TRAM2: variants seen among roughly 807,000 people sequenced by gnomAD.
TRAM2 encodes the protein translocating chain-associated membrane protein 2.
TRAM2 carries 12 observed loss-of-function variants against 51.0 expected under a neutral mutation model. The ratio of observed to expected loss-of-function variants is 0.24; its 90% CI spans 0.15 to 0.38. TRAM2 has a LOEUF of 0.38. Among genes scored for constraint, TRAM2 ranks in the 10% least tolerant of loss-of-function variants. TRAM2 has a pLI of 1.00. For synonymous variants in TRAM2, 175 were observed against 179.4 expected, an observed-to-expected ratio of 0.98 and a Z score of 0.20; for missense variants, 361 against 462.0, an observed-to-expected ratio of 0.78 and a Z score of 2.00.
chr6:52,568,080 C>T (rs1767618271), intron 1 of TRAM2, among the ~76,000 whole-genome samples: 1 of 152,146 alleles, frequency 6.6e-6, no homozygotes, highest in Admixed American at 6.5e-5. Context: ...GCAGGTGAGC[C>T]CCAGAGAGGT....
intron 1 of TRAM2, among the ~76,000 whole-genome samples, chr6:52,574,781 T>C (rs1200082545): frequency 6.6e-6 from 1 of 152,192 alleles, no homozygotes; most frequent in Non-Finnish European, 1.5e-5. Context: ...GCACAGGACT[T>C]TCCATAAGAC....
intron 2 of TRAM2, chr6:52,529,769 C>T (rs1766853023): frequency 6.6e-6 from 1 of 152,172 alleles, no homozygotes; most frequent in Non-Finnish European, 1.5e-5. Context: ...GTAGCACAAC[C>T]CAAGACAACC....
At chr6:52,511,640 G>C (rs1766453684) in intron 4 of TRAM2, among the ~76,000 whole-genome samples, 1 of 152,182 alleles carries the variant, frequency 6.6e-6, no homozygotes, top group Non-Finnish European at 1.5e-5. Context: ...ATCTTTAGTT[G>C]TATTTCCAAG....
At chr6:52,567,961 C>A (rs1247333515) in intron 1 of TRAM2, among the ~76,000 whole-genome samples, 1 of 152,190 alleles carries the variant, frequency 6.6e-6, no homozygotes, top group Non-Finnish European at 1.5e-5. Context: ...CCTTCTCCTC[C>A]CAATTTCTGA....
chr6:52,535,682 G>A (rs77435263), intron 2 of TRAM2, 101 bp downstream of exon 2: 1 of 1,048,198 alleles, frequency 9.5e-7, no homozygotes, highest in Non-Finnish European at 1.4e-6. Flanking sequence ...ACTCCGTCAT[G>A]GGGGAAAAAA....
chr6:52,533,490 C>T (rs1766927916), intron 2 of TRAM2, among the ~76,000 whole-genome samples: 1 of 152,150 alleles, frequency 6.6e-6, no homozygotes, highest in Admixed American at 6.5e-5. Context: ...TGTTTCCTGG[C>T]CCACTGAGGA....
chr6:52,558,380 C>G (rs2268712), intron 1 of TRAM2, among the ~76,000 whole-genome samples: 30,687 of 152,132 alleles, frequency 0.2, 4,059 homozygotes, highest in Non-Finnish European at 0.29. Context: ...GTTTTCCTAT[C>G]TGTCTTCCCC....
chr6:52,544,149 C>T (rs1415496325), intron 1 of TRAM2, among the ~76,000 whole-genome samples: 1 of 152,220 alleles, frequency 6.6e-6, no homozygotes, highest in Non-Finnish European at 1.5e-5. Flanking sequence ...GGCCATAAAC[C>T]AGGCCCGTCA....
intron 1 of TRAM2, among the ~76,000 whole-genome samples, chr6:52,552,029 CT>C: frequency 6.6e-6 from 1 of 152,276 alleles, no homozygotes; most frequent in East Asian, 1.9e-4. Flanking sequence ...AACACGGACA[CT>C]TGATCTTCTG....
intron 2 of TRAM2, among the ~76,000 whole-genome samples, chr6:52,522,672 T>C (rs1766698905): frequency 6.6e-6 from 1 of 152,218 alleles, no homozygotes; most frequent in South Asian, 2.1e-4. Context: ...AATAATGACC[T>C]TCCTACTGTA....
chr6:52,532,246 A>G (rs2114083930), intron 2 of TRAM2, among the ~76,000 whole-genome samples: 1 of 152,322 alleles, frequency 6.6e-6, no homozygotes, highest in Admixed American at 6.5e-5. Flanking sequence ...ATGCCCAATC[A>G]CATGCACTTC....
chr6:52,551,380 T>C (rs1006790181), intron 1 of TRAM2, among the ~76,000 whole-genome samples: 1 of 152,216 alleles, frequency 6.6e-6, no homozygotes, highest in Admixed American at 6.6e-5. Context: ...ACAGGGTTGC[T>C]TGGATGTAGG....
At chr6:52,521,029 A>G (rs767743515) in intron 2 of TRAM2, among the ~76,000 whole-genome samples, 3 of 151,852 alleles carry the variant, frequency 2.0e-5, no homozygotes, top group Non-Finnish European at 4.4e-5. Context: ...CAGCCTCCCA[A>G]GTAGCTGGGA....
intron 1 of TRAM2, among the ~76,000 whole-genome samples, chr6:52,560,222 G>C (rs1310139257): frequency 2.0e-5 from 3 of 151,488 alleles, no homozygotes; most frequent in Non-Finnish European, 2.9e-5. Flanking sequence ...ACTCCAGCCT[G>C]AGTGACAAGA....
intron 2 of TRAM2, among the ~76,000 whole-genome samples, chr6:52,530,137 T>C (rs1766859499): frequency 1.3e-5 from 2 of 152,196 alleles, no homozygotes; most frequent in African/African-American, 4.8e-5. Context: ...TTATTGTTTA[T>C]CTGAAAATTT....
chr6:52,518,884 T>C (rs1766608647), intron 2 of TRAM2, among the ~76,000 whole-genome samples: 2 of 152,188 alleles, frequency 1.3e-5, no homozygotes, highest in South Asian at 4.1e-4. Flanking sequence ...CTAGGCATAA[T>C]GGGATTTATA....
chr6:52,537,746 G>C (rs113664186), intron 1 of TRAM2, among the ~76,000 whole-genome samples: 5 of 151,700 alleles, frequency 3.3e-5, no homozygotes, highest in African/African-American at 1.2e-4. Context: ...ATTTATCCTC[G>C]CAGCCCCTCT....
At chr6:52,541,433 C>G (rs1581886143) in intron 1 of TRAM2, among the ~76,000 whole-genome samples, 1 of 152,182 alleles carries the variant, frequency 6.6e-6, no homozygotes, top group Admixed American at 6.5e-5. Flanking sequence ...TCCTTCTCAC[C>G]CTCAGCTCGA....
intron 2 of TRAM2, among the ~76,000 whole-genome samples, chr6:52,519,295 T>C (rs905030204): frequency 4.6e-5 from 7 of 152,126 alleles, no homozygotes; most frequent in Non-Finnish European, 8.8e-5. Flanking sequence ...CCAAACAACC[T>C]GATTCTAAAA....
Sources: allele counts gnomAD v4.1 joint callset (sites outside exome capture counted in the v4.1 genomes callset), GRCh38; gene constraint gnomAD v4.1.1; transcripts MANE v1.5; gene names NCBI Gene and HGNC (gene_info 2026-07-23, HGNC 2026-07-21).